The following XKR4 variants were observed in gnomAD, a reference collection of about 807,000 sequenced individuals.
XKR4 encodes the protein XK-related protein 4.
In XKR4, 12 loss-of-function variants were observed where a neutral mutation model predicts 53.9. The ratio of observed to expected loss-of-function variants is 0.22; its 90% confidence interval spans 0.14 to 0.36. The LOEUF (loss-of-function observed/expected upper bound fraction) is 0.36, where lower values mean the gene tolerates loss of function less well. Among genes scored for constraint, XKR4 ranks in the 10% least tolerant of loss-of-function variants. The pLI, the probability that XKR4 is intolerant of heterozygous loss-of-function variation, is 1.00. For missense variants in XKR4, 799 were observed against 859.5 expected (o/e 0.93, Z 0.88); for synonymous variants, 354 against 362.4 (o/e 0.98, Z 0.26).
intron 1 of XKR4, among the ~76,000 whole-genome samples, chr8:55,287,879 A>G (rs1424477404): frequency 3.9e-5 from 6 of 152,226 alleles, no homozygotes; most frequent in African/African-American, 1.4e-4. Context: ...TACCCTAGTT[A>G]GCAGGAATAA....
At position 55,102,827 on chromosome 8, in the gene XKR4, C is replaced by G. The variant is rs1425872632; in HGVS notation, c.339C>G (p.Leu113=). ...GGCGCTACTCACTGTGGGACTGCCT[C>G]TGGATCCTGGCCGCCGTGGCCGTGT... ...EQRRYSLWDC[L]WILAAVAVYF... is the part of the protein sequence containing the mutation. The change falls in exon 1 of 3, where the codon CTC becomes CTG. Residue 113 remains leucine (L), a synonymous_variant. Transcript: ENST00000327381. This position sits in a 1 kb window ranked among gnomAD's most constrained non-coding sequence, Gnocchi z 5.1. 2.5e-6 allele frequency: 4 copies of G among 1,609,890 alleles called. No homozygotes were observed. The highest frequency in any genetic ancestry group is 3.4e-6 in the Non-Finnish European group (4 of 1,179,840).
chr8:55,218,319 T>G (rs934593066), intron 1 of XKR4, among the ~76,000 whole-genome samples: 1 of 152,200 alleles, frequency 6.6e-6, no homozygotes, highest in Non-Finnish European at 1.5e-5. Context: ...CAAAGGACAT[T>G]TTTTCCCTAG....
chr8:55,204,673 G>T (rs964173810), intron 1 of XKR4, among the ~76,000 whole-genome samples: 6 of 152,186 alleles, frequency 3.9e-5, no homozygotes, highest in African/African-American at 1.4e-4. Context: ...AGTAGAGAAA[G>T]ATTGGAATTT....
At chr8:55,387,690 C>T (rs1804343132) in intron 2 of XKR4, among the ~76,000 whole-genome samples, 1 of 152,156 alleles carries the variant, frequency 6.6e-6, no homozygotes, top group African/African-American at 2.4e-5. Context: ...CAGCCAGCTG[C>T]CTTGCTACTA....
chr8:55,150,661 C>T (rs1302522164), intron 1 of XKR4, among the ~76,000 whole-genome samples: 1 of 152,146 alleles, frequency 6.6e-6, no homozygotes, highest in East Asian at 1.9e-4. Context: ...TCAGATGTTA[C>T]CAGACAATTT....
At chr8:55,442,847 T>C (rs577764893) in intron 2 of XKR4, among the ~76,000 whole-genome samples, 24 of 152,302 alleles carry the variant, frequency 1.6e-4, no homozygotes, top group African/African-American at 5.5e-4. Flanking sequence ...TGACTGCTAA[T>C]AGAAATGTGG....
intron 1 of XKR4, among the ~76,000 whole-genome samples, chr8:55,129,793 A>G (rs1816529383): frequency 6.6e-6 from 1 of 152,148 alleles, no homozygotes; most frequent in Non-Finnish European, 1.5e-5. Context: ...AGGGAGAGGA[A>G]GATTAAAATT....
At chr8:55,451,794 G>T in intron 2 of XKR4, 1 of 1,016,894 alleles carries the variant, frequency 9.8e-7, no homozygotes, top group Non-Finnish European at 1.5e-6. Flanking sequence ...GGCACTGATA[G>T]TCGCGGCAGC....
chr8:55,267,238 T>C (rs1403701261), intron 1 of XKR4, among the ~76,000 whole-genome samples: 1 of 152,140 alleles, frequency 6.6e-6, no homozygotes, highest in African/African-American at 2.4e-5. Context: ...AAAAAACCTA[T>C]GGGTTACTAT....
intron 2 of XKR4, among the ~76,000 whole-genome samples, chr8:55,396,959 C>T (rs1191030368): frequency 6.6e-6 from 1 of 152,194 alleles, no homozygotes; most frequent in Non-Finnish European, 1.5e-5. Context: ...CACTGTCACA[C>T]TTTCATTTGC....
At chr8:55,301,265 G>A (rs1028060615) in intron 1 of XKR4, among the ~76,000 whole-genome samples, 2 of 151,144 alleles carry the variant, frequency 1.3e-5, no homozygotes, top group South Asian at 2.1e-4. Context: ...TTGTCCTTGG[G>A]ATAGTTTGCT....
intron 1 of XKR4, among the ~76,000 whole-genome samples, chr8:55,167,587 A>G (rs1225789551): frequency 6.6e-6 from 1 of 152,228 alleles, no homozygotes; most frequent in Non-Finnish European, 1.5e-5. Flanking sequence ...TTTTTGTTGC[A>G]TATGACCACT....
intron 1 of XKR4, among the ~76,000 whole-genome samples, chr8:55,282,743 A>G (rs1367493562): frequency 6.6e-6 from 1 of 152,202 alleles, no homozygotes; most frequent in African/African-American, 2.4e-5. Context: ...ATATTGAGTG[A>G]CATTGGTATA....
intron 1 of XKR4, among the ~76,000 whole-genome samples, chr8:55,138,278 A>G (rs982870200): frequency 2.0e-5 from 3 of 152,188 alleles, no homozygotes; most frequent in African/African-American, 4.8e-5. Context: ...CTTGAAGTCA[A>G]TGGAGGCCAC....
At chr8:55,469,345 A>C (rs1805837410) in intron 2 of XKR4, among the ~76,000 whole-genome samples, 2 of 151,926 alleles carry the variant, frequency 1.3e-5, no homozygotes, top group South Asian at 4.1e-4. Flanking sequence ...GGCTTTTCAC[A>C]CTTCTTTTTG....
intron 1 of XKR4, among the ~76,000 whole-genome samples, chr8:55,162,673 C>T (rs1230079581): frequency 1.3e-5 from 2 of 152,070 alleles, no homozygotes; most frequent in African/African-American, 4.8e-5. Flanking sequence ...TCCTTGAAAA[C>T]AAGGTAAGCA....
intron 2 of XKR4, among the ~76,000 whole-genome samples, chr8:55,508,321 A>G (rs1806576446): frequency 6.6e-6 from 1 of 152,158 alleles, no homozygotes; most frequent in South Asian, 2.1e-4. Context: ...ATCAGCAAAA[A>G]CAGCATCCAA....
At chr8:55,261,238 C>A (rs1380946745) in intron 1 of XKR4, among the ~76,000 whole-genome samples, 1 of 152,092 alleles carries the variant, frequency 6.6e-6, no homozygotes, top group Admixed American at 6.5e-5. Flanking sequence ...AAGCATTGAA[C>A]CTTTCCAGAA....
chr8:55,511,882 C>G (rs1806630184), intron 2 of XKR4, among the ~76,000 whole-genome samples: 1 of 152,160 alleles, frequency 6.6e-6, no homozygotes, highest in South Asian at 2.1e-4. Context: ...TCATGCTATT[C>G]TATTCAAACC....
Sources: allele counts gnomAD v4.1 joint callset (sites outside exome capture counted in the v4.1 genomes callset), GRCh38; gene constraint gnomAD v4.1.1; non-coding constraint Gnocchi (gnomAD v3.1); transcripts MANE v1.5; gene names NCBI Gene and HGNC (gene_info 2026-07-23, HGNC 2026-07-21).